Variants in ATP2B2 observed in about 807,000 individuals in gnomAD.
The protein encoded by ATP2B2 is ATPase plasma membrane Ca2+ transporting 2.
Under a neutral mutation model 120.0 loss-of-function variants are expected in ATP2B2, and 15 were observed. That is an observed-to-expected ratio of 0.12 (90% CI 0.08 to 0.19). The LOEUF (loss-of-function observed/expected upper bound fraction) is 0.19, where lower values mean the gene tolerates loss of function less well. Among genes scored for constraint, ATP2B2 ranks in the 10% least tolerant of loss-of-function variants. The pLI is 1.00. For synonymous variants in ATP2B2, 694 were observed against 700.3 expected, an observed-to-expected ratio of 0.99 and a Z score of 0.14; for missense variants, 1,045 against 1,719.8, an observed-to-expected ratio of 0.61 and a Z score of 6.94.
At chr3:10,627,832 A>C (rs1178282754) in intron 1 of ATP2B2, among the ~76,000 whole-genome samples, 1 of 152,102 alleles carries the variant, frequency 6.6e-6, no homozygotes, top group Non-Finnish European at 1.5e-5. Flanking sequence ...ATGGCCGTTT[A>C]TCAAATGGTC....
intron 2 of ATP2B2, among the ~76,000 whole-genome samples, chr3:10,597,950 C>T (rs1171167371): frequency 6.6e-6 from 1 of 152,164 alleles, no homozygotes; most frequent in Non-Finnish European, 1.5e-5. Flanking sequence ...GTAAACATCA[C>T]ATTTCGGGAG....
Position 10,346,229 on chromosome 3 carries a change from A to C in ATP2B2, c.2405-92T>G, listed in dbSNP as rs2060428794. On this transcript the variant is annotated intron_variant, in intron 16 of 22. Coordinates refer to ENST00000360273, the MANE Select transcript of ATP2B2 (RefSeq NM_001001331.4). The surrounding 1 kb of genome is among the most constrained non-coding windows in gnomAD (Gnocchi z 4.1). ...GTCCTCGGGAGGGGCCTGGCTGGGC[A>C]TGGCTTCCTCTCTGGTCCCTGTCCA... 8 of 1,265,364 alleles carry C rather than the reference A, an allele frequency of 6.3e-6. No individual in the cohort carries two copies. Among genetic ancestry groups the C allele is most frequent in the East Asian group, 2.4e-5 (1 of 41,360 alleles). 78.4% of individuals were successfully genotyped at this position (1,265,364 alleles called of 1,614,324 possible).
At chr3:10,575,296 C>T (rs1442554174) in intron 2 of ATP2B2, among the ~76,000 whole-genome samples, 1 of 152,114 alleles carries the variant, frequency 6.6e-6, no homozygotes, top group East Asian at 1.9e-4. Flanking sequence ...CCCTATATGT[C>T]TGTAAAGCTC....
intron 10 of ATP2B2, among the ~76,000 whole-genome samples, chr3:10,378,012 C>T (rs2061426613): frequency 6.6e-6 from 1 of 152,222 alleles, no homozygotes; most frequent in African/African-American, 2.4e-5. Flanking sequence ...GAAGGCAGGC[C>T]GTCTGCTACC....
chr3:10,648,320 T>C (rs888885545), intron 1 of ATP2B2, among the ~76,000 whole-genome samples: 1 of 152,156 alleles, frequency 6.6e-6, no homozygotes, highest in Non-Finnish European at 1.5e-5. Flanking sequence ...CCGGCTTTCC[T>C]GACTAACAGT....
intron 2 of ATP2B2, among the ~76,000 whole-genome samples, chr3:10,415,172 AT>A (rs2062738893): frequency 6.6e-6 from 1 of 152,112 alleles, no homozygotes; most frequent in Non-Finnish European, 1.5e-5. Context: ...CACTGCCTTC[AT>A]TTCTCCTTTT....
intron 1 of ATP2B2, among the ~76,000 whole-genome samples, chr3:10,669,230 T>C (rs1053062824): frequency 3.3e-5 from 5 of 152,134 alleles, no homozygotes; most frequent in African/African-American, 9.7e-5. Flanking sequence ...AATGGCGTCT[T>C]GAACCCAGGG....
intron 3 of ATP2B2, among the ~76,000 whole-genome samples, chr3:10,531,115 CAGG>C (rs1382607039): frequency 1.3e-5 from 2 of 152,180 alleles, no homozygotes; most frequent in African/African-American, 4.8e-5. Context: ...TTGGCAGTTG[CAGG>C]AGGGGCAGCC....
At chr3:10,358,131 C>T (rs1255120006) in intron 14 of ATP2B2, among the ~76,000 whole-genome samples, 1 of 152,192 alleles carries the variant, frequency 6.6e-6, no homozygotes, top group East Asian at 1.9e-4. Context: ...CCCTGGGAAT[C>T]TGATAAAAGT....
intron 2 of ATP2B2, among the ~76,000 whole-genome samples, chr3:10,414,950 C>T (rs1020818091): frequency 6.6e-6 from 1 of 152,096 alleles, no homozygotes; most frequent in African/African-American, 2.4e-5. Flanking sequence ...AATCAAAGTC[C>T]AAGGTGGGAA....
At chr3:10,472,829 C>G (rs994255352) in intron 1 of ATP2B2, among the ~76,000 whole-genome samples, 3 of 152,218 alleles carry the variant, frequency 2.0e-5, no homozygotes, top group African/African-American at 7.2e-5. Context: ...AAGTGACAAC[C>G]CTACAGTAGC....
At chr3:10,519,414 G>A (rs771095637) in intron 3 of ATP2B2, among the ~76,000 whole-genome samples, 1 of 152,222 alleles carries the variant, frequency 6.6e-6, no homozygotes, top group African/African-American at 2.4e-5. Context: ...AGGGAACAGA[G>A]CAAGAAAGAG....
chr3:10,572,410 A>T (rs2068148544), intron 2 of ATP2B2, among the ~76,000 whole-genome samples: 1 of 152,186 alleles, frequency 6.6e-6, no homozygotes, highest in African/African-American at 2.4e-5. Flanking sequence ...GAAGATGAAA[A>T]ATTTGTGGAA....
At chr3:10,442,274 C>A (rs39667) in intron 2 of ATP2B2, among the ~76,000 whole-genome samples, 1 of 151,960 alleles carries the variant, frequency 6.6e-6, no homozygotes, top group South Asian at 2.1e-4. Flanking sequence ...TGCCTGATTA[C>A]GGGAAGCACC....
At chr3:10,591,806 T>A (rs1034239777) in intron 2 of ATP2B2, among the ~76,000 whole-genome samples, 1 of 152,180 alleles carries the variant, frequency 6.6e-6, no homozygotes, top group African/African-American at 2.4e-5. Flanking sequence ...CTGAAGGCCA[T>A]TTAAGTAGTG....
chr3:10,522,203 C>T (rs1297267542), intron 3 of ATP2B2, among the ~76,000 whole-genome samples: 4 of 152,140 alleles, frequency 2.6e-5, no homozygotes, highest in South Asian at 2.1e-4. Context: ...CTCGTGGTCC[C>T]GTGTATGTGT....
chr3:10,419,668 G>A (rs1198092315), intron 2 of ATP2B2, among the ~76,000 whole-genome samples: 1 of 152,212 alleles, frequency 6.6e-6, no homozygotes, highest in African/African-American at 2.4e-5. Context: ...ACAGTGCTTT[G>A]TAGATGGTAA....
At chr3:10,415,230 A>T (rs1482171986) in intron 2 of ATP2B2, among the ~76,000 whole-genome samples, 1 of 152,200 alleles carries the variant, frequency 6.6e-6, no homozygotes, top group Non-Finnish European at 1.5e-5. Flanking sequence ...TGAGGCTTCA[A>T]CACGATGTCT....
At chr3:10,652,090 C>G (rs549979217) in intron 1 of ATP2B2, among the ~76,000 whole-genome samples, 2 of 152,260 alleles carry the variant, frequency 1.3e-5, no homozygotes, top group East Asian at 3.9e-4. Flanking sequence ...GGAGACTATT[C>G]TATTCCAGAT....
Sources: allele counts gnomAD v4.1 joint callset (sites outside exome capture counted in the v4.1 genomes callset), GRCh38; gene constraint gnomAD v4.1.1; non-coding constraint Gnocchi (gnomAD v3.1); transcripts MANE v1.5; gene names NCBI Gene and HGNC (gene_info 2026-07-23, HGNC 2026-07-21).